The following IGFBP5 variants were observed in gnomAD, a reference collection of about 807,000 sequenced individuals.
IGFBP5 encodes insulin-like growth factor-binding protein 5.
IGFBP5 carries 12 observed loss-of-function variants against 28.0 expected under a neutral mutation model. The ratio of observed to expected loss-of-function variants is 0.43; its 90% CI spans 0.27 to 0.69. IGFBP5 has a LOEUF of 0.69. IGFBP5 is among the 30% of genes least tolerant of loss of function. The pLI, the probability that IGFBP5 is intolerant of heterozygous loss-of-function variation, is 0.20. For missense variants in IGFBP5, 344 were observed against 381.6 expected (o/e 0.90, Z 0.82); for synonymous variants, 152 against 150.2 (o/e 1.01, Z -0.09).
intron 1 of IGFBP5, among the ~76,000 whole-genome samples, chr2:216,691,836 C>CGT (rs56040272): frequency 0.078 from 9,503 of 121,088 alleles, 383 homozygotes; most frequent in Non-Finnish European, 0.098. Context: ...TATAATATGT[C>CGT]GTGTGTGTGT....
intron 1 of IGFBP5, among the ~76,000 whole-genome samples, chr2:216,680,790 G>A (rs569033792): frequency 6.6e-6 from 1 of 152,232 alleles, no homozygotes; most frequent in East Asian, 1.9e-4. Context: ...AAATAGCAAG[G>A]TGGTGGGTGG....
In IGFBP5 at chr2:216,674,866, G is replaced by A. The variant is rs1688876424; in HGVS notation, c.*1885C>T. On this transcript the variant is annotated 3_prime_UTR_variant, in exon 4 of 4. Transcript: ENST00000233813. The surrounding 1 kb of genome is among the most constrained non-coding windows in gnomAD (Gnocchi z 4.4). ...CCTCAGTCCCTCATTGCAGGCTGAAGGTGGGCAGCGGAGCACATAGTCTTG... is the reference window on the plus strand; with the variant it reads ...CCTCAGTCCCTCATTGCAGGCTGAAAGTGGGCAGCGGAGCACATAGTCTTG... 1 of 152,234 alleles carries A rather than the reference G, an allele frequency of 6.6e-6. No individual in the cohort carries two copies. Among genetic ancestry groups the A allele is most frequent in the Non-Finnish European group, 1.5e-5 (1 of 68,090 alleles). The allele number at this position is 152,234 out of a possible 1,614,324, so 9.4% of individuals were successfully genotyped here.
chr2:216,685,022 G>A (rs1213131003), intron 1 of IGFBP5, among the ~76,000 whole-genome samples: 5 of 152,158 alleles, frequency 3.3e-5, no homozygotes, highest in Admixed American at 1.3e-4. Context: ...GGTGGCTCAC[G>A]CCTGTAATCC....
At chr2:216,678,332 G>C in intron 2 of IGFBP5, 101 bp from the exon 3 acceptor site, 1 of 1,253,992 alleles carries the variant, frequency 8.0e-7, no homozygotes, top group South Asian at 2.3e-5. Flanking sequence ...GGTCTCTGGA[G>C]GAAAGTCACC....
intron 1 of IGFBP5, among the ~76,000 whole-genome samples, chr2:216,685,999 GA>G (rs111976159): frequency 2.6e-3 from 376 of 142,314 alleles, no homozygotes; most frequent in African/African-American, 7.8e-3. Flanking sequence ...AACCTTTTAA[GA>G]AAAAAAAAAA....
chr2:216,694,525 T>C lies in IGFBP5; in HGVS notation c.251A>G (p.Gln84Arg). Reference sequence around the variant, plus strand: ...GGCGTGCAGCGGCTTCTCCTCGTCCTGCCGGGGGAGGCAGCGCAGCCCCTG... The same window carrying C: ...GGCGTGCAGCGGCTTCTCCTCGTCCCGCCGGGGGAGGCAGCGCAGCCCCTG... ...CAQGLRCLPRQDEEKPLHALL... is the reference protein window; with the variant it reads ...CAQGLRCLPRRDEEKPLHALL... The change falls in exon 1 of 4, where the codon CAG becomes CGG. Residue 84 changes from glutamine to arginine, a missense_variant. By Grantham distance (43) the Gln-to-Arg change is conservative. Transcript: ENST00000233813. The surrounding 1 kb of genome is among the most constrained non-coding windows in gnomAD (Gnocchi z 5.2). The C allele has an allele frequency of 6.3e-7, 1 of 1,583,390 alleles. No individual in the cohort carries two copies. Among genetic ancestry groups the C allele is most frequent in the South Asian group, 1.2e-5 (1 of 86,684 alleles).
At chr2:216,678,719 A>T in intron 2 of IGFBP5, 131 bp downstream of exon 2, 2 of 727,984 alleles carry the variant, frequency 2.7e-6, no homozygotes, top group Admixed American at 5.2e-5. Context: ...CCACGTCCTA[A>T]GCTGAGCCAC....
In IGFBP5 at chr2:216,683,626, GAAGA is replaced by G. The variant is rs1256905582; in HGVS notation, c.338-4551_338-4548del. On this transcript the variant is annotated intron_variant, in intron 1 of 3. Transcript: ENST00000233813. The stretch of plus-strand genomic sequence containing the variant: ...TCCAACTGGAAAATGATCCAGGAAG[GAAGA>G]GAGACATATTCCAGACTTCCCCGCC... Among the ~76,000 whole-genome samples, 5 of 152,288 alleles carry G rather than the reference GAAGA, an allele frequency of 3.3e-5. No individual in the cohort carries two copies. The East Asian group carries it at 5.8e-4, about 18-fold the overall frequency.
At position 216,678,889 on chromosome 2, in the gene IGFBP5, C is replaced by A; in HGVS notation, c.528G>T (p.Arg176=). Residue 176 remains arginine (R), a synonymous_variant, in exon 2 of 4, where the codon CGG becomes CGT. Transcript: ENST00000233813. ...GTCTCATCTCAGGTGCAGAGATGATCCGGGGGTGGGCAGTGTTCTCGGCTC... is the reference window on the plus strand; with the variant it reads ...GTCTCATCTCAGGTGCAGAGATGATACGGGGGTGGGCAGTGTTCTCGGCTC... The part of the protein sequence containing the change: ...VGGAENTAHP[R]IISAPEMRQE... 6.2e-7 allele frequency: 1 copy of A among 1,614,196 alleles called. No homozygotes were observed. The highest frequency in any genetic ancestry group is 1.1e-5 in the South Asian group (1 of 91,074).
At chr2:216,687,937 G>T (rs911498935) in intron 1 of IGFBP5, among the ~76,000 whole-genome samples, 1 of 152,206 alleles carries the variant, frequency 6.6e-6, no homozygotes, top group Non-Finnish European at 1.5e-5. Flanking sequence ...AGGGAGCCCT[G>T]TCTGTCAACG....
In IGFBP5 at chr2:216,678,113, TG is replaced by T; in HGVS notation, c.685del (p.Gln229SerfsTer21). 6.6e-7 allele frequency: 1 copy of T among 1,516,946 alleles called. No individual in the cohort carries two copies. Among genetic ancestry groups the T allele is most frequent in the Non-Finnish European group, 8.9e-7 (1 of 1,122,786 alleles). 94.0% of individuals were successfully genotyped at this position (1,516,946 alleles called of 1,614,324 possible). A position where few individuals can be genotyped will look rare whatever the true frequency, so the allele number is the denominator to read the frequency against. On this transcript the variant is annotated frameshift_variant and splice_region_variant, in exon 3 of 4. Transcript: ENST00000233813. LOFTEE classifies it high-confidence loss of function. The stretch of plus-strand genomic sequence containing the variant: ...TGGAGCTCAGGGCAGGGGACGTACC[TG>T]CTTTCTCTTGTAGAATCCTTTGCGG... ...CDRKGFYKRK[Q>X]CKPSRGRKRG...
rs565343724 is a variant in IGFBP5, at chr2:216,684,736, T to C, written c.338-5657A>G. On this transcript the variant is annotated intron_variant, in intron 1 of 3. Coordinates refer to ENST00000233813, the MANE Select transcript of IGFBP5 (RefSeq NM_000599.4). Reference sequence around the variant, plus strand: ...CATATAGTATTCAATAAATAACCTTTAAATGGAGAGATGTGTAAATCTGCC... The same window carrying C: ...CATATAGTATTCAATAAATAACCTTCAAATGGAGAGATGTGTAAATCTGCC... 3.3e-5 allele frequency among the ~76,000 whole-genome samples: 5 copies of C among 152,334 alleles called. 1 individual carries two copies. In the South Asian group the frequency reaches 1.0e-3, roughly 32 times the overall value.
rs11575138 is a variant in IGFBP5 at position 216,690,591 on chromosome 2, C to T, written c.337+3848G>A. Among the ~76,000 whole-genome samples the T allele has an allele frequency of 6.9e-3, 1,052 of 152,224 alleles. 5 individuals carry two copies. The highest frequency in any genetic ancestry group is 0.012 in the Non-Finnish European group (804 of 68,018). On this transcript the variant is annotated intron_variant, in intron 1 of 3. Transcript: ENST00000233813. ...GTAACCCTCACGATGACCTCTGGCT[C>T]CTAGGGTCAGGCTGGTCCACCCTCT...
At position 216,679,045 on chromosome 2, in the gene IGFBP5, G is replaced by A; in HGVS notation, c.372C>T (p.Thr124=). ...RDSREHEEPT[T]SEMAEETYSP... is the part of the protein sequence containing the mutation. ...AGTAGGTCTCCTCGGCCATCTCAGAGGTGGTGGGCTCCTCGTGCTCACGGG... is the reference window on the plus strand; with the variant it reads ...AGTAGGTCTCCTCGGCCATCTCAGAAGTGGTGGGCTCCTCGTGCTCACGGG... The change falls in exon 2 of 4, where the codon ACC becomes ACT. Residue 124 remains threonine (T), a synonymous_variant. Coordinates refer to ENST00000233813, the MANE Select transcript of IGFBP5 (RefSeq NM_000599.4). The surrounding 1 kb of genome is among the most constrained non-coding windows in gnomAD (Gnocchi z 4.6). 1 of 1,614,166 alleles carries A rather than the reference G, an allele frequency of 6.2e-7. No homozygotes were observed. Among genetic ancestry groups the A allele is most frequent in the Non-Finnish European group, 8.5e-7 (1 of 1,180,042 alleles).
At position 216,672,320 on chromosome 2, in the gene IGFBP5, G is replaced by GTTTTT. The variant is rs1688839451; in HGVS notation, c.*4430_*4431insAAAAA. On this transcript the variant is annotated 3_prime_UTR_variant, in exon 4 of 4. Coordinates refer to ENST00000233813, the MANE Select transcript of IGFBP5 (RefSeq NM_000599.4). The stretch of plus-strand genomic sequence containing the variant: ...TTCAGGTGTTTTTTTTTTTTTTTTC[G>GTTTTT]GCTTTTTTTTTTTTTTCTCACAAAC... 2 of 108,030 alleles carry GTTTTT rather than the reference G, an allele frequency of 1.9e-5. No homozygotes were observed. Among genetic ancestry groups the GTTTTT allele is most frequent in the African/African-American group, 8.0e-5 (2 of 25,128 alleles). 6.7% of individuals were successfully genotyped at this position (108,030 alleles called of 1,614,324 possible). A position where few individuals can be genotyped will look rare whatever the true frequency, so the allele number is the denominator to read the frequency against.
At chr2:216,676,929 G>T (rs776175565) in intron 3 of IGFBP5, 47 bp from the exon 4 acceptor site, 3 of 1,602,386 alleles carry the variant, frequency 1.9e-6, no homozygotes, top group Non-Finnish European at 8.5e-7. Context: ...GCACCCCAGG[G>T]CTCTGCTCCT....
At chr2:216,678,065 C>A in intron 3 of IGFBP5, 47 bp downstream of exon 3, 1 of 1,365,240 alleles carries the variant, frequency 7.3e-7, no homozygotes, top group Non-Finnish European at 9.6e-7. Flanking sequence ...CTGGCAGGTG[C>A]CATTTTTGGA....
intron 2 of IGFBP5, 78 bp downstream of exon 2, chr2:216,678,772 C>A (rs781710004): frequency 5.6e-6 from 7 of 1,245,428 alleles, no homozygotes; most frequent in East Asian, 2.5e-5. Flanking sequence ...TCTAGCACCT[C>A]CTGCCGCCAT....
chr2:216,689,659 C>A (rs922490437), intron 1 of IGFBP5, among the ~76,000 whole-genome samples: 1 of 152,238 alleles, frequency 6.6e-6, no homozygotes, highest in African/African-American at 2.4e-5. Flanking sequence ...AGCTGAGTCC[C>A]AGCCCCTTGT....
Sources: allele counts gnomAD v4.1 joint callset (sites outside exome capture counted in the v4.1 genomes callset), GRCh38; gene constraint gnomAD v4.1.1; non-coding constraint Gnocchi (gnomAD v3.1); transcripts MANE v1.5; gene names NCBI Gene and HGNC (gene_info 2026-07-23, HGNC 2026-07-21).